B3GNT2: variants seen among roughly 807,000 people sequenced by gnomAD.
B3GNT2 encodes UDP-GlcNAc:betaGal beta-1,3-N-acetylglucosaminyltransferase 2.
A neutral mutation model predicts 27.6 loss-of-function variants in B3GNT2; 12 were observed. That is an observed-to-expected ratio of 0.44 (90% confidence interval 0.28 to 0.71). The LOEUF is 0.71. B3GNT2 is among the 30% of genes least tolerant of loss of function. The pLI is 0.17. For synonymous variants in B3GNT2, 192 were observed against 189.7 expected (o/e 1.01, Z -0.10); for missense variants, 413 against 488.5 (o/e 0.85, Z 1.46).
chr2:62,206,763 T>C (rs1674383055), intron 1 of B3GNT2, among the ~76,000 whole-genome samples: 1 of 152,212 alleles, frequency 6.6e-6, no homozygotes, highest in Non-Finnish European at 1.5e-5. Context: ...TGCCTGCTTT[T>C]GGAAGAGCGA....
chr2:62,201,001 A>G (rs1674255558), intron 1 of B3GNT2, among the ~76,000 whole-genome samples: 1 of 152,222 alleles, frequency 6.6e-6, no homozygotes, highest in Non-Finnish European at 1.5e-5. Context: ...ATAAAGCCCT[A>G]TGTTAGATTT....
intron 1 of B3GNT2, among the ~76,000 whole-genome samples, chr2:62,214,301 G>T (rs1674531382): frequency 6.6e-6 from 1 of 152,214 alleles, no homozygotes; most frequent in African/African-American, 2.4e-5. Context: ...TGGGAACATA[G>T]TGGGAAAGGA....
chr2:62,214,337 A>T (rs1674531628), intron 1 of B3GNT2, among the ~76,000 whole-genome samples: 1 of 152,164 alleles, frequency 6.6e-6, no homozygotes, highest in East Asian at 1.9e-4. Flanking sequence ...CAGGCTCTGG[A>T]ATAGAGGAGA....
chr2:62,205,523 G>T (rs140495134), intron 1 of B3GNT2, among the ~76,000 whole-genome samples: 16 of 152,246 alleles, frequency 1.1e-4, no homozygotes, highest in Admixed American at 2.6e-4. Flanking sequence ...AAGGTGTTAG[G>T]ATTTAACCAG....
chr2:62,205,406 C>G (rs1186543148), intron 1 of B3GNT2, among the ~76,000 whole-genome samples: 3 of 152,118 alleles, frequency 2.0e-5, no homozygotes, highest in Non-Finnish European at 2.9e-5. Context: ...GATAAAAGGC[C>G]AAAGTGTTAC....
chr2:62,202,580 G>A (rs999155568), intron 1 of B3GNT2, among the ~76,000 whole-genome samples: 2 of 152,114 alleles, frequency 1.3e-5, no homozygotes, highest in African/African-American at 4.8e-5. Context: ...GAGGGTGTGG[G>A]TGCTGACAAG....
At chr2:62,204,614 G>C (rs1363861216) in intron 1 of B3GNT2, among the ~76,000 whole-genome samples, 1 of 152,182 alleles carries the variant, frequency 6.6e-6, no homozygotes, top group Non-Finnish European at 1.5e-5. Flanking sequence ...TTTGAAGCTT[G>C]TTTATAAGGA....
intron 1 of B3GNT2, among the ~76,000 whole-genome samples, chr2:62,215,153 T>G (rs1674549232): frequency 6.6e-6 from 1 of 152,232 alleles, no homozygotes; most frequent in African/African-American, 2.4e-5. Context: ...TCTATAATGT[T>G]GCCTGTGGGA....
intron 1 of B3GNT2, among the ~76,000 whole-genome samples, chr2:62,202,795 GTCT>G (rs1674294199): frequency 1.3e-5 from 2 of 152,186 alleles, no homozygotes; most frequent in African/African-American, 4.8e-5. Context: ...CAGAATCCCT[GTCT>G]TCTTCAGAGG....
rs1296818632 is a variant in B3GNT2 at position 62,223,350 on chromosome 2, G to A, written c.1130G>A (p.Ser377Asn). 2 of 1,613,884 alleles carry A rather than the reference G, an allele frequency of 1.2e-6. No homozygotes were observed. Among genetic ancestry groups the A allele is most frequent in the Non-Finnish European group, 1.7e-6 (2 of 1,179,958 alleles). Residue 377 changes from serine (S) to asparagine (N), a missense_variant, in exon 2 of 2, where the codon AGT (serine) becomes AAT (asparagine). Physicochemically the swap from Ser to Asn is conservative, Grantham distance 46. Transcript: ENST00000301998. ...TATGTAGATCTGATGTTAGTACATA[G>A]TAGAAAACCTCAAGAGATGATTGAT... is the stretch of plus-strand genomic sequence containing the variant. ...CSYVDLMLVHSRKPQEMIDIW... is the reference protein window; with the variant it reads ...CSYVDLMLVHNRKPQEMIDIW...
chr2:62,223,329 T>C lies in B3GNT2; in HGVS notation c.1109T>C (p.Val370Ala). The part of the protein sequence containing the change: ...EKNKNNICSY[V>A]DLMLVHSRKP... Reference sequence around the variant, plus strand: ...AACAAAAATAACATCTGCTCCTATGTAGATCTGATGTTAGTACATAGTAGA... The same window carrying C: ...AACAAAAATAACATCTGCTCCTATGCAGATCTGATGTTAGTACATAGTAGA... Residue 370 changes from valine (V) to alanine (A), a missense_variant, in exon 2 of 2, where the codon GTA becomes GCA. Coordinates refer to ENST00000301998, the MANE Select transcript of B3GNT2 (RefSeq NM_006577.6). The C allele has an allele frequency of 1.9e-6, 3 of 1,614,192 alleles. No individual in the cohort carries two copies. Among genetic ancestry groups the C allele is most frequent in the Non-Finnish European group, 2.5e-6 (3 of 1,180,006 alleles).
At position 62,223,698 on chromosome 2, in the gene B3GNT2, T is replaced by C; in HGVS notation, c.*284T>C. The stretch of plus-strand genomic sequence containing the variant: ...ACCCTCTTATCTGAAATCCTGTTTC[T>C]GGAATTTGGCCATTTTAAGTGATTT... On this transcript the variant is annotated 3_prime_UTR_variant, in exon 2 of 2. Transcript: ENST00000301998. 1 of 288,154 alleles carries C rather than the reference T, an allele frequency of 3.5e-6. No homozygotes were observed. Among genetic ancestry groups the C allele is most frequent in the Non-Finnish European group, 6.9e-6 (1 of 144,728 alleles). 17.8% of individuals were successfully genotyped at this position (288,154 alleles called of 1,614,324 possible).
intron 1 of B3GNT2, among the ~76,000 whole-genome samples, chr2:62,203,112 C>G (rs916151196): frequency 5.3e-5 from 8 of 152,232 alleles, no homozygotes; most frequent in African/African-American, 1.9e-4. Flanking sequence ...GTTTTCAACA[C>G]TGCTTGGTTT....
chr2:62,196,530 G>A (rs1305494961), intron 1 of B3GNT2, among the ~76,000 whole-genome samples, 175 bp downstream of exon 1: 1 of 152,232 alleles, frequency 6.6e-6, no homozygotes, highest in Non-Finnish European at 1.5e-5. Context: ...CCCCGGTGGA[G>A]GAAGCCGTCC....
chr2:62,218,995 A>G (rs948243603), intron 1 of B3GNT2, among the ~76,000 whole-genome samples: 1 of 152,248 alleles, frequency 6.6e-6, no homozygotes, highest in Non-Finnish European at 1.5e-5. Flanking sequence ...TCCTCAAAGC[A>G]TCCTCAAAAG....
At chr2:62,201,279 C>CA (rs1674258821) in intron 1 of B3GNT2, among the ~76,000 whole-genome samples, 1 of 152,194 alleles carries the variant, frequency 6.6e-6, no homozygotes, top group Non-Finnish European at 1.5e-5. Context: ...TCTCTAAAGA[C>CA]AGTCATTGAA....
In B3GNT2 at chr2:62,222,235, T is replaced by A; in HGVS notation, c.15T>A (p.Arg5=). The A allele has an allele frequency of 6.2e-7, 1 of 1,603,970 alleles. No individual in the cohort carries two copies. The highest frequency in any genetic ancestry group is 8.5e-7 in the Non-Finnish European group (1 of 1,175,710). MSVG[R]RRIKLLGILM... The stretch of plus-strand genomic sequence containing the variant: ...AGATATGAGAAATGAGTGTTGGACG[T>A]CGAAGAATAAAGTTGTTGGGTATCC... Residue 5 remains arginine (R), a synonymous_variant, in exon 2 of 2, where the codon CGT becomes CGA. Coordinates refer to ENST00000301998, the MANE Select transcript of B3GNT2 (RefSeq NM_006577.6). This position sits in a 1 kb window ranked among gnomAD's most constrained non-coding sequence, Gnocchi z 4.2.
intron 1 of B3GNT2, among the ~76,000 whole-genome samples, chr2:62,218,360 C>T (rs756177073): frequency 2.0e-5 from 3 of 152,198 alleles, no homozygotes; most frequent in Non-Finnish European, 4.4e-5. Flanking sequence ...TCTCCACCTT[C>T]CTCTTCAGAT....
intron 1 of B3GNT2, among the ~76,000 whole-genome samples, chr2:62,209,192 A>G (rs1183984838): frequency 6.6e-6 from 1 of 152,120 alleles, no homozygotes; most frequent in Admixed American, 6.5e-5. Flanking sequence ...ATAGCCCAGA[A>G]TGGAAGCTAT....
Sources: gnomAD v4.1 joint callset for allele counts (sites outside exome capture counted in the v4.1 genomes callset) on GRCh38, gnomAD v4.1.1 for gene constraint, Gnocchi (gnomAD v3.1) non-coding constraint, MANE v1.5 for transcripts, NCBI Gene and HGNC (gene_info 2026-07-23, HGNC 2026-07-21) for gene names.